GSN: variants seen among roughly 807,000 people sequenced by gnomAD.
GSN encodes the protein gelsolin.
Under a neutral mutation model 85.7 loss-of-function variants are expected in GSN, and 56 were observed. The ratio of observed to expected loss-of-function variants is 0.65; its 90% CI spans 0.53 to 0.82. GSN has a LOEUF of 0.82. Ranked by LOEUF, GSN falls within the 40% of genes least tolerant of loss-of-function variation. The pLI is 0.00. For missense variants in GSN, 857 were observed against 979.8 expected, an observed-to-expected ratio of 0.87 and a Z score of 1.67; for synonymous variants, 373 against 399.1, an observed-to-expected ratio of 0.93 and a Z score of 0.78.
chr9:121,234,869 T>C (rs2054462641), intron 5 of GSN, among the ~76,000 whole-genome samples: 1 of 152,102 alleles, frequency 6.6e-6, no homozygotes, highest in African/African-American at 2.4e-5. Context: ...AATTAAATAG[T>C]TAAATAAATA....
upstream of GSN, among the ~76,000 whole-genome samples, chr9:121,206,831 C>A (rs2053888738): frequency 6.6e-6 from 1 of 152,110 alleles, no homozygotes; most frequent in East Asian, 1.9e-4. Context: ...CTCACTGCAA[C>A]CTCCACCTCC....
At chr9:121,272,826 T>TA (rs904367388) in intron 1 of GSN, among the ~76,000 whole-genome samples, 5 of 152,232 alleles carry the variant, frequency 3.3e-5, no homozygotes, top group African/African-American at 1.2e-4. Flanking sequence ...TGAAAGGACT[T>TA]ACGTTCTCTT....
intron 4 of GSN, among the ~76,000 whole-genome samples, chr9:121,227,466 A>G (rs1326945743): frequency 6.6e-6 from 1 of 151,952 alleles, no homozygotes; most frequent in Non-Finnish European, 1.5e-5. Flanking sequence ...TCACTAGCAA[A>G]TTAATTGGAC....
chr9:121,269,355 GAC>G (rs751563919), intron 1 of GSN, among the ~76,000 whole-genome samples: 56 of 152,218 alleles, frequency 3.7e-4, no homozygotes, highest in Non-Finnish European at 6.6e-4. Flanking sequence ...AAAAGTCAAG[GAC>G]CCAGAGAGTT....
intron 2 of GSN, chr9:121,282,473 C>T (rs1211449687): frequency 1.2e-5 from 15 of 1,263,488 alleles, no homozygotes. Flanking sequence ...ACTTACGCGT[C>T]TGCTGTGGCC....
At chr9:121,281,859 T>C (rs780363731) in intron 2 of GSN, 2 of 471,268 alleles carry the variant, frequency 4.2e-6, no homozygotes, top group South Asian at 3.1e-5. Flanking sequence ...TTAGGAGAGT[T>C]GCTTTCCCTC....
intron 4 of GSN, among the ~76,000 whole-genome samples, chr9:121,226,320 G>A (rs984717277): frequency 6.6e-5 from 10 of 152,292 alleles, no homozygotes; most frequent in South Asian, 2.1e-4. Flanking sequence ...CATCAGACAC[G>A]GGACAGATAA....
intron 10 of GSN, among the ~76,000 whole-genome samples, chr9:121,321,035 CT>C (rs2133747085): frequency 6.6e-6 from 1 of 152,314 alleles, no homozygotes; most frequent in East Asian, 1.9e-4. Context: ...GACAGACGGG[CT>C]GGGGCAGGGC....
intron 4 of GSN, among the ~76,000 whole-genome samples, chr9:121,305,212 T>C (rs1228587020): frequency 6.6e-6 from 1 of 152,208 alleles, no homozygotes; most frequent in African/African-American, 2.4e-5. Context: ...AAGCCTTGAC[T>C]ACAAGATCTC....
rs886063412 is a variant in GSN at position 121,332,797 on chromosome 9, G to A, written c.*194G>A. ...GAGTCCTTGCAAAATTGTCTAAAAT[G>A]TCAGTGTTTGGGAAATTAAATCCAA... On this transcript the variant is annotated 3_prime_UTR_variant, in exon 18 of 18. Transcript: ENST00000432226. This position sits in a 1 kb window ranked among gnomAD's most constrained non-coding sequence, Gnocchi z 4.8. The A allele has an allele frequency of 1.5e-5, 9 of 588,486 alleles. No homozygotes were observed. The highest frequency in any genetic ancestry group is 5.6e-5 in the East Asian group (2 of 35,648). The allele number at this position is 588,486 out of a possible 1,614,324, so 36.5% of individuals were successfully genotyped here. A position where few individuals can be genotyped will look rare whatever the true frequency, so the allele number is the denominator to read the frequency against.
rs775506538 is a variant in GSN at position 121,318,919 on chromosome 9, C to T, written c.1191+39C>T. 3 of 1,476,976 alleles carry T rather than the reference C, an allele frequency of 2.0e-6. No individual in the cohort carries two copies. Among genetic ancestry groups the T allele is most frequent in the South Asian group, 2.3e-5 (2 of 88,244 alleles). The allele number at this position is 1,476,976 out of a possible 1,614,324, so 91.5% of individuals were successfully genotyped here. A position where few individuals can be genotyped will look rare whatever the true frequency, so the allele number is the denominator to read the frequency against. On this transcript the variant is annotated intron_variant, in intron 10 of 17. Transcript: ENST00000432226. This position sits in a 1 kb window ranked among gnomAD's most constrained non-coding sequence, Gnocchi z 4.3. The stretch of plus-strand genomic sequence containing the variant: ...GTGGGGTGGGTGTGTCCAGGCCCCT[C>T]CCTCACTTTCCCCATGCACTGCCTC...
intron 2 of GSN, among the ~76,000 whole-genome samples, chr9:121,301,043 T>TC (rs1315893413): frequency 6.6e-6 from 1 of 152,144 alleles, no homozygotes; most frequent in Non-Finnish European, 1.5e-5. Flanking sequence ...CTTCGGTCAG[T>TC]CCCCTCCCCT....
intron 12 of GSN, among the ~76,000 whole-genome samples, chr9:121,325,981 G>A (rs1340341523): frequency 6.6e-6 from 1 of 151,822 alleles, no homozygotes; most frequent in Non-Finnish European, 1.5e-5. Flanking sequence ...CGGGGCCACG[G>A]TAAGGTGCCG....
intron 1 of GSN, among the ~76,000 whole-genome samples, chr9:121,277,502 TAA>T (rs960612594): frequency 1.2e-4 from 18 of 152,122 alleles, no homozygotes; most frequent in African/African-American, 4.1e-4. Flanking sequence ...ATAAGGGACT[TAA>T]GAGGCAAGTC....
chr9:121,239,966 G>A (rs1318861719), intron 5 of GSN: 1 of 160,368 alleles, frequency 6.2e-6, no homozygotes, highest in Non-Finnish European at 1.5e-5. Context: ...GCAAGGCTGG[G>A]AGAGGTAGTT....
At position 121,313,738 on chromosome 9, in the gene GSN, G is replaced by A. The variant is rs306760; in HGVS notation, c.664-196G>A. ...GTTCTCCTGGAGTTTCTGAGTCAGG[G>A]AGACAAGGTGGAAGGGACCTCTGAT... On this transcript the variant is annotated intron_variant, in intron 6 of 17. Transcript: ENST00000432226. The A allele has an allele frequency of 0.35, 216,150 of 621,058 alleles. 39,595 individuals are homozygous for A. Among genetic ancestry groups the A allele is most frequent in the African/African-American group, 0.55 (30,267 of 55,204 alleles). 38.5% of individuals were successfully genotyped at this position (621,058 alleles called of 1,614,324 possible).
intron 4 of GSN, among the ~76,000 whole-genome samples, chr9:121,220,433 G>T (rs1024520382): frequency 1.3e-4 from 20 of 152,320 alleles, no homozygotes; most frequent in African/African-American, 4.8e-4. Flanking sequence ...CTGTCACTGT[G>T]TACCCCAGAA....
At chr9:121,242,672 G>T (rs994784435) in intron 5 of GSN, among the ~76,000 whole-genome samples, 1 of 152,278 alleles carries the variant, frequency 6.6e-6, no homozygotes. Flanking sequence ...CCTTGACAGC[G>T]CAGCTCTGAT....
At position 121,332,699 on chromosome 9, in the gene GSN, AGTGTGT is replaced by A. The variant is rs147410423; in HGVS notation, c.*111_*116del. On this transcript the variant is annotated 3_prime_UTR_variant, in exon 18 of 18. Transcript: ENST00000432226. This position sits in a 1 kb window ranked among gnomAD's most constrained non-coding sequence, Gnocchi z 4.8. ...GAGCGAGCAGAGCAGCTCTGCTATG[AGTGTGT>A]GTGTGTGTGTGTGTTGTTTCTTTTT... 4.2e-6 allele frequency: 3 copies of A among 707,114 alleles called. No individual in the cohort carries two copies. The highest frequency in any genetic ancestry group is 1.9e-5 in the African/African-American group (1 of 54,012). The allele number at this position is 707,114 out of a possible 1,614,324, so 43.8% of individuals were successfully genotyped here.
Sources: allele counts gnomAD v4.1 joint callset (sites outside exome capture counted in the v4.1 genomes callset), GRCh38; gene constraint gnomAD v4.1.1; non-coding constraint Gnocchi (gnomAD v3.1); transcripts MANE v1.5; gene names NCBI Gene and HGNC (gene_info 2026-07-23, HGNC 2026-07-21).